FAM117A: variants seen among roughly 807,000 people sequenced by gnomAD.
FAM117A encodes the protein family with sequence similarity 117 member A.
FAM117A carries 21 observed loss-of-function variants against 44.1 expected under a neutral mutation model. The ratio of observed to expected loss-of-function variants is 0.48; its 90% CI spans 0.34 to 0.69. The LOEUF (loss-of-function observed/expected upper bound fraction) is 0.69. FAM117A is among the 30% of genes least tolerant of loss of function. The pLI, the probability that FAM117A is intolerant of heterozygous loss-of-function variation, is 0.01. For synonymous variants in FAM117A, 220 were observed against 238.3 expected, an observed-to-expected ratio of 0.92 and a Z score of 0.71; for missense variants, 498 against 589.9, an observed-to-expected ratio of 0.84 and a Z score of 1.61.
At chr17:49,711,641 A>C (rs2073479071) in intron 7 of FAM117A, 86 bp from the exon 8 acceptor site, 1 of 1,319,814 alleles carries the variant, frequency 7.6e-7, no homozygotes, top group African/African-American at 1.5e-5. Flanking sequence ...TCACAGCATC[A>C]AGGCAGCAGG....
intron 3 of FAM117A, 101 bp downstream of exon 3, chr17:49,722,398 G>C: frequency 1.1e-6 from 1 of 927,372 alleles, no homozygotes. Context: ...AGATAGGAGA[G>C]GTGAGCAGTG....
chr17:49,764,128 A>T lies in FAM117A; in HGVS notation c.-41T>A, dbSNP rs893787498. The T allele has an allele frequency of 1.1e-5, 12 of 1,066,678 alleles. No individual in the cohort carries two copies. Among genetic ancestry groups the T allele is most frequent in the Non-Finnish European group, 1.5e-5 (12 of 823,012 alleles). 66.1% of individuals were successfully genotyped at this position (1,066,678 alleles called of 1,614,324 possible). ...CTGCCTCAGCCCCACTGCGAGACTC[A>T]CACAGCCCCCCAACCCCCGAGGCCG... On this transcript the variant is annotated 5_prime_UTR_variant, in exon 1 of 8. Coordinates refer to ENST00000240364, the MANE Select transcript of FAM117A (RefSeq NM_030802.4).
intron 2 of FAM117A, among the ~76,000 whole-genome samples, chr17:49,724,195 A>C (rs1248010755): frequency 1.3e-5 from 2 of 152,140 alleles, no homozygotes; most frequent in Non-Finnish European, 2.9e-5. Flanking sequence ...ACCTCGACCC[A>C]GCAGACACAC....
At chr17:49,749,351 C>T (rs867709743) in intron 1 of FAM117A, among the ~76,000 whole-genome samples, 4 of 151,792 alleles carry the variant, frequency 2.6e-5, no homozygotes, top group South Asian at 2.1e-4. Flanking sequence ...GCAAGGTGGG[C>T]GGATCACAAG....
Position 49,764,053 on chromosome 17 carries a change from C to A in FAM117A, c.35G>T (p.Gly12Val), listed in dbSNP as rs2073735112. The change falls in exon 1 of 8, where the codon GGT becomes GTT. Residue 12 changes from glycine to valine, a missense_variant. Physicochemically the swap from Gly to Val is moderately radical, Grantham distance 109. This residue lies in a region of FAM117A where 270 missense variants were observed against 277.4 expected (regional missense o/e 0.97). Coordinates refer to ENST00000240364, the MANE Select transcript of FAM117A (RefSeq NM_030802.4). ...AGAAAGGRGG[G>V]AWGPGRGGAG... ...CCCTCCGCGCCCCGGCCCCCAGGCA[C>A]CTCCGCCTCTGCCGCCCGCTGCGGC... 1.6e-6 allele frequency: 2 copies of A among 1,239,828 alleles called. No homozygotes were observed. The highest frequency in any genetic ancestry group is 6.2e-5 in the East Asian group (2 of 32,232). 76.8% of individuals were successfully genotyped at this position (1,239,828 alleles called of 1,614,324 possible).
chr17:49,722,452 C>A, intron 3 of FAM117A, 47 bp downstream of exon 3: 2 of 1,498,210 alleles, frequency 1.3e-6, no homozygotes, highest in South Asian at 1.2e-5. Flanking sequence ...ACTAGGGGAT[C>A]GAGAAGAAGC....
At chr17:49,734,007 G>T (rs979851766) in intron 1 of FAM117A, among the ~76,000 whole-genome samples, 3 of 152,002 alleles carry the variant, frequency 2.0e-5, no homozygotes, top group African/African-American at 4.8e-5. Flanking sequence ...GCCAGGCGTG[G>T]TGGCAGGCGC....
chr17:49,717,391 C>T (rs1335422281), intron 6 of FAM117A, 122 bp downstream of exon 6: 1 of 735,604 alleles, frequency 1.4e-6, no homozygotes, highest in East Asian at 2.7e-5. Flanking sequence ...AAAGATGACT[C>T]ATAAAGATAT....
intron 1 of FAM117A, among the ~76,000 whole-genome samples, chr17:49,772,201 G>A (rs770243596): frequency 1.6e-4 from 25 of 151,952 alleles, no homozygotes; most frequent in Non-Finnish European, 3.2e-4. Context: ...GCTGAGGTGG[G>A]AGGATTGCTT....
chr17:49,711,666 GT>G (rs2073479243), intron 7 of FAM117A, 111 bp from the exon 8 acceptor site: 1 of 1,039,062 alleles, frequency 9.6e-7, no homozygotes, highest in Non-Finnish European at 1.4e-6. Flanking sequence ...CTGGGTCTCT[GT>G]TCAAACAGAA....
At chr17:49,763,388 G>A (rs1244932783) in intron 1 of FAM117A, among the ~76,000 whole-genome samples, 1 of 152,056 alleles carries the variant, frequency 6.6e-6, no homozygotes, top group Non-Finnish European at 1.5e-5. Context: ...CTCCAGCGCA[G>A]TTGAGAGGGA....
chr17:49,769,707 AAAATAAAT>A (rs539399967), intron 1 of FAM117A, among the ~76,000 whole-genome samples: 7 of 151,988 alleles, frequency 4.6e-5, no homozygotes, highest in African/African-American at 1.4e-4. Flanking sequence ...TCCGTCTCAA[AAAATAAAT>A]AAATAAATAA....
chr17:49,753,332 C>T (rs2073684729), intron 1 of FAM117A, among the ~76,000 whole-genome samples: 1 of 152,172 alleles, frequency 6.6e-6, no homozygotes, highest in Non-Finnish European at 1.5e-5. Context: ...TGCCCTTTGC[C>T]TAATTAAGCA....
At chr17:49,737,831 G>A (rs769161894) in intron 1 of FAM117A, among the ~76,000 whole-genome samples, 1 of 152,206 alleles carries the variant, frequency 6.6e-6, no homozygotes, top group Non-Finnish European at 1.5e-5. Flanking sequence ...GTCAGCAGCA[G>A]TCCCAGATCT....
At chr17:49,762,167 A>G (rs2073724852) in intron 1 of FAM117A, among the ~76,000 whole-genome samples, 1 of 152,212 alleles carries the variant, frequency 6.6e-6, no homozygotes, top group East Asian at 1.9e-4. Context: ...TCTATAATAG[A>G]CACAAAATAA....
chr17:49,716,159 A>G lies in FAM117A; in HGVS notation c.1061+6T>C. ...CTCCCACACCCTGTCCACTTGGTGT[A>G]CTCACGTGGCTTCTTCAAACACACG... On this transcript the variant is annotated splice_donor_region_variant and intron_variant, in intron 7 of 7. Transcript: ENST00000240364. 7.1e-7 allele frequency: 1 copy of G among 1,416,188 alleles called. No individual in the cohort carries two copies. The highest frequency in any genetic ancestry group is 9.7e-7 in the Non-Finnish European group (1 of 1,034,692). The allele number at this position is 1,416,188 out of a possible 1,614,324, so 87.7% of individuals were successfully genotyped here.
chr17:49,764,078 C>T lies in FAM117A; in HGVS notation c.10G>A (p.Ala4Thr). MAG[A>T]AAGGRGGGAW... ...CCTCCGCCTCTGCCGCCCGCTGCGGCCCCCGCCATGGCTCTCCCGGCTGCC... is the reference window on the plus strand; with the variant it reads ...CCTCCGCCTCTGCCGCCCGCTGCGGTCCCCGCCATGGCTCTCCCGGCTGCC... The change falls in exon 1 of 8, where the codon GCC becomes ACC. Residue 4 changes from alanine (A) to threonine (T), a missense_variant. Around this residue, in one of 3 missense-constraint regions of FAM117A, gnomAD observed 270 missense variants for 277.4 expected, o/e 0.97. Transcript: ENST00000240364. 2 of 1,259,784 alleles carry T rather than the reference C, an allele frequency of 1.6e-6. No individual in the cohort carries two copies. The highest frequency in any genetic ancestry group is 2.0e-6 in the Non-Finnish European group (2 of 998,378). The allele number at this position is 1,259,784 out of a possible 1,614,324, so 78.0% of individuals were successfully genotyped here.
intron 1 of FAM117A, among the ~76,000 whole-genome samples, chr17:49,749,563 A>G: frequency 7.4e-6 from 1 of 135,320 alleles, no homozygotes; most frequent in Non-Finnish European, 1.7e-5. Flanking sequence ...GTGACAGAGC[A>G]AGACTCCGTC....
chr17:49,751,016 A>G (rs773783578), intron 1 of FAM117A, among the ~76,000 whole-genome samples: 11 of 152,074 alleles, frequency 7.2e-5, no homozygotes, highest in South Asian at 4.1e-4. Context: ...ACAATGGCGC[A>G]CGCCTATAAT....
Sources: allele counts gnomAD v4.1 joint callset (sites outside exome capture counted in the v4.1 genomes callset), GRCh38; gene constraint gnomAD v4.1.1; regional missense constraint gnomAD v4.1.1; transcripts MANE v1.5; gene names NCBI Gene and HGNC (gene_info 2026-07-23, HGNC 2026-07-21).